LRBA: variants seen among roughly 807,000 people sequenced by gnomAD.
LRBA encodes the protein lipopolysaccharide-responsive and beige-like anchor protein.
A neutral mutation model predicts 330.0 loss-of-function variants in LRBA; 176 were observed. The ratio of observed to expected loss-of-function variants is 0.53; its 90% CI spans 0.47 to 0.60. The LOEUF (loss-of-function observed/expected upper bound fraction) is 0.60. LRBA is among the 20% of genes least tolerant of loss of function. The pLI is 0.00. For missense variants in LRBA, 3,259 were observed against 3,444.8 expected, an observed-to-expected ratio of 0.95 and a Z score of 1.35; for synonymous variants, 1,230 against 1,193.0, an observed-to-expected ratio of 1.03 and a Z score of -0.64.
chr4:150,465,809 T>C (rs1055825002), intron 44 of LRBA, among the ~76,000 whole-genome samples: 1 of 152,114 alleles, frequency 6.6e-6, no homozygotes, highest in East Asian at 1.9e-4. Context: ...GTTCAGTAAG[T>C]AGATATAGAA....
At chr4:150,802,237 A>AAC (rs1560836272) in intron 33 of LRBA, among the ~76,000 whole-genome samples, 2 of 147,644 alleles carry the variant, frequency 1.4e-5, no homozygotes, top group Non-Finnish European at 3.0e-5. Context: ...AAAAAAAAAA[A>AAC]CCACAGTGCA....
chr4:150,806,307 C>A lies in LRBA; in HGVS notation c.5482G>T (p.Gly1828Cys), dbSNP rs370475072. The A allele has an allele frequency of 6.2e-7, 1 of 1,607,752 alleles. No homozygotes were observed. Among genetic ancestry groups the A allele is most frequent in the South Asian group, 1.1e-5 (1 of 89,942 alleles). Residue 1828 changes from glycine (G) to cysteine (C), a missense_variant, in exon 33 of 57, where the codon GGT becomes TGT. Transcript: ENST00000651943. Reference sequence around the variant, plus strand: ...ATAAGCAGTTCTTGTCCATGGCTACCCAAAAGTGTCCGAGAAAGAAAAGGT... The same window carrying A: ...ATAAGCAGTTCTTGTCCATGGCTACACAAAAGTGTCCGAGAAAGAAAAGGT... ...FAPFLSRTLL[G>C]SHGQELLIEG...
intron 40 of LRBA, among the ~76,000 whole-genome samples, chr4:150,554,747 C>A (rs1173335516): frequency 2.6e-5 from 4 of 151,952 alleles, no homozygotes; most frequent in Non-Finnish European, 5.9e-5. Context: ...ATCTTAAATT[C>A]TTCAACAAAA....
At chr4:150,506,113 A>C (rs968701943) in intron 40 of LRBA, among the ~76,000 whole-genome samples, 2 of 152,212 alleles carry the variant, frequency 1.3e-5, no homozygotes, top group African/African-American at 4.8e-5. Context: ...AAAGTCCAGG[A>C]CCAGATGGAT....
intron 22 of LRBA, among the ~76,000 whole-genome samples, chr4:150,854,786 T>C (rs1198394815): frequency 6.6e-6 from 1 of 152,166 alleles, no homozygotes; most frequent in Non-Finnish European, 1.5e-5. Context: ...AAGCTTGGTA[T>C]GTATGATGAA....
chr4:150,624,923 G>A (rs1020978366), intron 37 of LRBA, among the ~76,000 whole-genome samples: 3 of 152,138 alleles, frequency 2.0e-5, no homozygotes, highest in African/African-American at 7.2e-5. Context: ...TCAAACAGAT[G>A]ATCCTGAAGT....
chr4:150,555,756 AACAC>A (rs34497958), intron 40 of LRBA, among the ~76,000 whole-genome samples: 16 of 144,690 alleles, frequency 1.1e-4, no homozygotes, highest in African/African-American at 1.8e-4. Context: ...GTCTTATAAA[AACAC>A]ACACACACAC....
At chr4:150,309,083 C>A (rs1021786560) in intron 52 of LRBA, among the ~76,000 whole-genome samples, 4 of 152,122 alleles carry the variant, frequency 2.6e-5, no homozygotes, top group Non-Finnish European at 4.4e-5. Context: ...GTGCCCTATA[C>A]AGGTATGCCA....
At chr4:150,676,236 G>C (rs376229158) in intron 37 of LRBA, among the ~76,000 whole-genome samples, 1 of 152,088 alleles carries the variant, frequency 6.6e-6, no homozygotes, top group South Asian at 2.1e-4. Flanking sequence ...ATTAGAGAAA[G>C]ACAACATTTT....
At chr4:150,311,141 AT>A (rs1235184587) in intron 51 of LRBA, 2 of 152,176 alleles carry the variant, frequency 1.3e-5, no homozygotes, top group South Asian at 4.1e-4. Flanking sequence ...GGGAAGAGTA[AT>A]AATCGTCCAG....
At chr4:150,371,510 A>G (rs1013664842) in intron 47 of LRBA, among the ~76,000 whole-genome samples, 1 of 152,000 alleles carries the variant, frequency 6.6e-6, no homozygotes, top group Non-Finnish European at 1.5e-5. Flanking sequence ...TATTTATCTA[A>G]TATTTATATC....
Position 150,876,724 on chromosome 4 carries a change from G to A in LRBA, c.2166-3969C>T, listed in dbSNP as rs529198638. Among the ~76,000 whole-genome samples, 19 of 152,142 alleles carry A rather than the reference G, an allele frequency of 1.2e-4. No individual in the cohort carries two copies. The South Asian group carries it at 3.3e-3, about 27-fold the overall frequency. On this transcript the variant is annotated intron_variant, in intron 17 of 56. Coordinates refer to ENST00000651943, the MANE Select transcript of LRBA (RefSeq NM_001364905.1). The stretch of plus-strand genomic sequence containing the variant: ...AGATCCTTAAGGGAGTTCTAAACAC[G>A]GAAATGTAAGAACAACACTTACTAC...
chr4:150,861,398 T>C (rs1435377021), intron 22 of LRBA, among the ~76,000 whole-genome samples: 1 of 151,970 alleles, frequency 6.6e-6, no homozygotes, highest in Non-Finnish European at 1.5e-5. Context: ...AGTGCTGGGA[T>C]TAGAGGTGTG....
chr4:150,423,133 C>A, intron 46 of LRBA: 2 of 947,918 alleles, frequency 2.1e-6, no homozygotes, highest in Non-Finnish European at 3.5e-6. Flanking sequence ...GAAGCTACCA[C>A]CACCAAAGTA....
chr4:150,946,810 A>T (rs1387549989), intron 2 of LRBA, among the ~76,000 whole-genome samples: 1 of 151,870 alleles, frequency 6.6e-6, no homozygotes, highest in African/African-American at 2.4e-5. Flanking sequence ...CTTTGAAAAG[A>T]TCAATAAAAT....
At chr4:150,514,159 G>T (rs969891742) in intron 40 of LRBA, among the ~76,000 whole-genome samples, 2 of 152,084 alleles carry the variant, frequency 1.3e-5, no homozygotes, top group Non-Finnish European at 2.9e-5. Context: ...TGCAACCTCC[G>T]CCTCCCGAGT....
chr4:150,920,870 G>C (rs1333098324), intron 5 of LRBA, among the ~76,000 whole-genome samples: 1 of 152,096 alleles, frequency 6.6e-6, no homozygotes, highest in East Asian at 1.9e-4. Flanking sequence ...TGAAAGGCAA[G>C]AGAAAGATGT....
At chr4:150,813,173 A>G (rs892782414) in intron 31 of LRBA, among the ~76,000 whole-genome samples, 19 of 44,400 alleles carry the variant, frequency 4.3e-4, no homozygotes, top group Non-Finnish European at 1.4e-3. Flanking sequence ...AAAAAAAAAA[A>G]AAAGAAAGAA....
Position 150,705,934 on chromosome 4 carries a change from T to C in LRBA, c.5755-22217A>G, listed in dbSNP as rs142593627. On this transcript the variant is annotated intron_variant, in intron 36 of 56. Coordinates refer to ENST00000651943, the MANE Select transcript of LRBA (RefSeq NM_001364905.1). ...ACATCACACTGGTGATAGAAGTCAA[T>C]TCAATTAGACAAGGAAACGTAATTA... Among the ~76,000 whole-genome samples, 348 of 152,036 alleles carry C rather than the reference T, an allele frequency of 2.3e-3. 3 individuals are homozygous for C. Among genetic ancestry groups the C allele is most frequent in the African/African-American group, 7.5e-3 (312 of 41,552 alleles).
Sources: allele counts gnomAD v4.1 joint callset (sites outside exome capture counted in the v4.1 genomes callset), GRCh38; gene constraint gnomAD v4.1.1; transcripts MANE v1.5; gene names NCBI Gene and HGNC (gene_info 2026-07-23, HGNC 2026-07-21).